Variants in GABRB1 observed in about 807,000 individuals in gnomAD.
GABRB1 encodes the protein gamma-aminobutyric acid type A receptor subunit beta1, also known as gamma-aminobutyric acid receptor subunit beta-1.
In GABRB1, 17 loss-of-function variants were observed where a neutral mutation model predicts 51.6. The ratio of observed to expected loss-of-function variants is 0.33; its 90% CI spans 0.23 to 0.49. The LOEUF is 0.49. Among genes scored for constraint, GABRB1 ranks in the 20% least tolerant of loss-of-function variants. The pLI is 0.99. For missense variants in GABRB1, 410 were observed against 600.6 expected, an observed-to-expected ratio of 0.68 and a Z score of 3.32; for synonymous variants, 247 against 218.9, an observed-to-expected ratio of 1.13 and a Z score of -1.14.
chr4:47,133,067 T>C (rs898079359), intron 3 of GABRB1, among the ~76,000 whole-genome samples: 13 of 152,228 alleles, frequency 8.5e-5, no homozygotes, highest in Non-Finnish European at 1.6e-4. Context: ...CTTCAGGATA[T>C]ACAGCATATT....
intron 4 of GABRB1, among the ~76,000 whole-genome samples, chr4:47,192,203 A>C (rs1719466871): frequency 6.6e-6 from 1 of 152,054 alleles, no homozygotes. Flanking sequence ...TTTAACGCTT[A>C]CTTTACTATC....
upstream of GABRB1, among the ~76,000 whole-genome samples, chr4:47,031,168 A>T (rs953983497): frequency 6.6e-5 from 10 of 151,774 alleles, no homozygotes; most frequent in African/African-American, 2.4e-4. Flanking sequence ...ACCCCCGCTG[A>T]TCACATCCTC....
At chr4:47,353,304 C>G (rs1726430033) in intron 5 of GABRB1, among the ~76,000 whole-genome samples, 1 of 152,162 alleles carries the variant, frequency 6.6e-6, no homozygotes. Context: ...AAGTTCCTTC[C>G]ATTTCAGTGT....
intron 1 of GABRB1, among the ~76,000 whole-genome samples, chr4:47,001,578 A>G (rs1190946628): frequency 2.0e-5 from 3 of 152,240 alleles, no homozygotes; most frequent in African/African-American, 7.2e-5. Context: ...CTTAATAGGC[A>G]AAGACTGACC....
intron 5 of GABRB1, among the ~76,000 whole-genome samples, chr4:47,373,381 G>A (rs1183226925): frequency 6.6e-6 from 1 of 152,162 alleles, no homozygotes; most frequent in East Asian, 1.9e-4. Flanking sequence ...TCTCCAGAAT[G>A]TAAAATACTT....
intron 4 of GABRB1, among the ~76,000 whole-genome samples, chr4:47,311,322 G>C (rs996152120): frequency 6.7e-6 from 1 of 148,422 alleles, no homozygotes; most frequent in Admixed American, 6.8e-5. Flanking sequence ...TGAGGCAGGA[G>C]AATCTCTTGA....
intron 5 of GABRB1, among the ~76,000 whole-genome samples, chr4:47,322,074 A>G (rs61599758): frequency 0.032 from 4,811 of 152,300 alleles, 299 homozygotes; most frequent in African/African-American, 0.11. Context: ...AATATAACAT[A>G]TAATGATCAA....
intron 4 of GABRB1, among the ~76,000 whole-genome samples, chr4:47,194,800 A>G (rs1719580404): frequency 6.6e-6 from 1 of 152,242 alleles, no homozygotes; most frequent in Non-Finnish European, 1.5e-5. Context: ...TTAAAAAAAC[A>G]TAGTGTACTT....
chr4:47,152,909 C>G (rs187111870), intron 3 of GABRB1, among the ~76,000 whole-genome samples: 2 of 151,992 alleles, frequency 1.3e-5, no homozygotes, highest in African/African-American at 4.8e-5. Context: ...TTTATCTATT[C>G]TCTAGGCTAA....
chr4:47,328,121 G>C (rs1578097477), intron 5 of GABRB1, among the ~76,000 whole-genome samples: 2 of 152,298 alleles, frequency 1.3e-5, no homozygotes, highest in East Asian at 3.9e-4. Context: ...TTTGCGAAGT[G>C]TCTGTTCATA....
At chr4:47,399,222 T>G (rs947933952) in intron 5 of GABRB1, among the ~76,000 whole-genome samples, 1 of 152,250 alleles carries the variant, frequency 6.6e-6, no homozygotes, top group African/African-American at 2.4e-5. Flanking sequence ...GTTATTATAA[T>G]GAAGTATATT....
intron 3 of GABRB1, among the ~76,000 whole-genome samples, chr4:47,122,772 G>GGCTCACAGGAACCACAGTGGGCAAGAA (rs1715835436): frequency 6.6e-6 from 1 of 152,184 alleles, no homozygotes; most frequent in African/African-American, 2.4e-5. Context: ...GCTGAAGTGA[G>GGCTCACAGGAACCACAGTGGGCAAGAA]GCTCACAGGA....
chr4:47,255,747 T>C (rs190608490), intron 4 of GABRB1, among the ~76,000 whole-genome samples: 12 of 152,318 alleles, frequency 7.9e-5, no homozygotes, highest in Non-Finnish European at 1.5e-4. Flanking sequence ...TAACAATGTT[T>C]CATATAAAGC....
intron 4 of GABRB1, among the ~76,000 whole-genome samples, chr4:47,262,392 C>G (rs1397986679): frequency 6.6e-6 from 1 of 152,126 alleles, no homozygotes; most frequent in Admixed American, 6.5e-5. Flanking sequence ...AGGATATGAA[C>G]AGACACTTCT....
At chr4:47,244,795 A>G (rs1433027091) in intron 4 of GABRB1, among the ~76,000 whole-genome samples, 4 of 152,228 alleles carry the variant, frequency 2.6e-5, no homozygotes, top group East Asian at 1.9e-4. Context: ...TTTGAAACCA[A>G]TGAGAACAAG....
At chr4:47,351,285 C>A (rs2109998685) in intron 5 of GABRB1, among the ~76,000 whole-genome samples, 1 of 152,126 alleles carries the variant, frequency 6.6e-6, no homozygotes, top group East Asian at 1.9e-4. Flanking sequence ...CTCATATAAT[C>A]CATCCACATT....
intron 4 of GABRB1, among the ~76,000 whole-genome samples, chr4:47,310,176 T>C (rs1393642459): frequency 1.3e-5 from 2 of 152,214 alleles, no homozygotes; most frequent in Non-Finnish European, 2.9e-5. Flanking sequence ...ATTTATCTGA[T>C]GTAAGAGCTC....
chr4:47,185,377 C>T (rs1010961317), intron 4 of GABRB1, among the ~76,000 whole-genome samples: 4 of 151,754 alleles, frequency 2.6e-5, no homozygotes, highest in African/African-American at 7.2e-5. Flanking sequence ...CTGATAGGAC[C>T]CAAGACTACT....
intron 3 of GABRB1, among the ~76,000 whole-genome samples, chr4:47,093,406 T>A (rs1714217807): frequency 6.6e-6 from 1 of 152,246 alleles, no homozygotes; most frequent in African/African-American, 2.4e-5. Context: ...ATCTATTGGG[T>A]AATCAATGAG....
Sources: gnomAD v4.1 joint callset for allele counts (sites outside exome capture counted in the v4.1 genomes callset) on GRCh38, gnomAD v4.1.1 for gene constraint, MANE v1.5 for transcripts, NCBI Gene and HGNC (gene_info 2026-07-23, HGNC 2026-07-21) for gene names.